The following GPATCH2 variants were observed in gnomAD, a reference collection of about 807,000 sequenced individuals.
GPATCH2 encodes G patch domain-containing protein 2.
A neutral mutation model predicts 58.0 loss-of-function variants in GPATCH2; 51 were observed. The ratio of observed to expected loss-of-function variants is 0.88; its 90% CI spans 0.70 to 1.11. The LOEUF is 1.11. GPATCH2 is among the 50% of genes most tolerant of loss of function. The pLI, the probability that GPATCH2 is intolerant of heterozygous loss-of-function variation, is 0.00. For synonymous variants in GPATCH2, 222 were observed against 218.5 expected (o/e 1.02, Z -0.14); for missense variants, 625 against 652.2 (o/e 0.96, Z 0.45).
chr1:217,498,367 C>G lies in GPATCH2; in HGVS notation c.1195G>C (p.Glu399Gln). Residue 399 changes from glutamate (E) to glutamine (Q), a missense_variant, in exon 7 of 10, where the codon GAG becomes CAG. Coordinates refer to ENST00000366935, the MANE Select transcript of GPATCH2 (RefSeq NM_018040.5). ...DHWFSPGART[E>Q]HDQHQLLRDN... The stretch of plus-strand genomic sequence containing the variant: ...ACAATGGTCCTTACCTGGTCATGCT[C>G]TGTCCTAGCCCCAGGGCTAAACCAA... The G allele has an allele frequency of 1.2e-6, 2 of 1,613,092 alleles. No individual in the cohort carries two copies. The highest frequency in any genetic ancestry group is 4.5e-5 in the East Asian group (2 of 44,880).
At chr1:217,617,425 T>G (rs1668939461) in intron 2 of GPATCH2, among the ~76,000 whole-genome samples, 1 of 152,182 alleles carries the variant, frequency 6.6e-6, no homozygotes, top group Non-Finnish European at 1.5e-5. Flanking sequence ...TTTGCTTGCC[T>G]GGCTATCCCA....
At chr1:217,532,693 G>C (rs996324533) in intron 5 of GPATCH2, among the ~76,000 whole-genome samples, 1 of 151,974 alleles carries the variant, frequency 6.6e-6, no homozygotes, top group African/African-American at 2.4e-5. Context: ...GCAAAGGGCA[G>C]GAGGAATGAA....
At chr1:217,492,320 A>C (rs1300426319) in intron 7 of GPATCH2, among the ~76,000 whole-genome samples, 2 of 152,176 alleles carry the variant, frequency 1.3e-5, no homozygotes, top group East Asian at 3.8e-4. Context: ...ATTAGAAAAA[A>C]ACATATTTGA....
At chr1:217,581,680 CG>C (rs1323594232) in intron 5 of GPATCH2, among the ~76,000 whole-genome samples, 1 of 152,192 alleles carries the variant, frequency 6.6e-6, no homozygotes, top group African/African-American at 2.4e-5. Context: ...AGGCCAGGTG[CG>C]GTGGCTCTTG....
intron 8 of GPATCH2, among the ~76,000 whole-genome samples, chr1:217,459,457 G>A (rs931092980): frequency 1.3e-5 from 2 of 152,106 alleles, no homozygotes; most frequent in Admixed American, 1.3e-4. Flanking sequence ...TCACACCACA[G>A]TACCTAGGAA....
rs143657322 is a variant in GPATCH2 at position 217,593,642 on chromosome 1, C to T, written c.1098+16679G>A. On this transcript the variant is annotated intron_variant, in intron 5 of 9. Transcript: ENST00000366935. ...TTAAAGTAGCATTTAACCACCCATGCGGTAAATAATGCGGGATTAGAAATA... is the reference window on the plus strand; with the variant it reads ...TTAAAGTAGCATTTAACCACCCATGTGGTAAATAATGCGGGATTAGAAATA... Among the ~76,000 whole-genome samples, 522 of 152,124 alleles carry T rather than the reference C, an allele frequency of 3.4e-3. 3 individuals carry two copies. Among genetic ancestry groups the T allele is most frequent in the African/African-American group, 0.011 (459 of 41,534 alleles).
chr1:217,603,715 T>C (rs1668218407), intron 5 of GPATCH2, among the ~76,000 whole-genome samples: 1 of 152,100 alleles, frequency 6.6e-6, no homozygotes, highest in Non-Finnish European at 1.5e-5. Flanking sequence ...CTCCACTTCC[T>C]GAGTTTAAGT....
intron 5 of GPATCH2, among the ~76,000 whole-genome samples, chr1:217,528,998 A>G (rs892455410): frequency 2.0e-5 from 3 of 152,212 alleles, no homozygotes; most frequent in Non-Finnish European, 4.4e-5. Context: ...TGTTCAGTCC[A>G]GACCAGCTAG....
At chr1:217,452,250 G>A (rs1438481814) in intron 8 of GPATCH2, among the ~76,000 whole-genome samples, 1 of 152,148 alleles carries the variant, frequency 6.6e-6, no homozygotes, top group Non-Finnish European at 1.5e-5. Flanking sequence ...ACTAAAGAAT[G>A]ATGCAAGTTA....
intron 5 of GPATCH2, among the ~76,000 whole-genome samples, chr1:217,603,353 A>T (rs941893254): frequency 6.6e-6 from 1 of 152,194 alleles, no homozygotes; most frequent in African/African-American, 2.4e-5. Context: ...AAGGGTTTTC[A>T]AGACTAAATA....
chr1:217,534,327 G>T (rs2102629601), intron 5 of GPATCH2, among the ~76,000 whole-genome samples: 1 of 152,188 alleles, frequency 6.6e-6, no homozygotes, highest in African/African-American at 2.4e-5. Context: ...TGAAGATTTA[G>T]GAACAGCCAT....
intron 7 of GPATCH2, among the ~76,000 whole-genome samples, chr1:217,495,264 T>C (rs187696036): frequency 6.6e-6 from 1 of 152,176 alleles, no homozygotes; most frequent in East Asian, 1.9e-4. Context: ...TTTTTCAAGA[T>C]TATTAAAAGT....
intron 5 of GPATCH2, among the ~76,000 whole-genome samples, chr1:217,527,790 T>C (rs530342807): frequency 8.5e-5 from 13 of 152,204 alleles, no homozygotes; most frequent in African/African-American, 2.7e-4. Flanking sequence ...AGAGAGGAGA[T>C]AGTGAACAAC....
At chr1:217,583,660 T>C (rs1164955975) in intron 5 of GPATCH2, among the ~76,000 whole-genome samples, 1 of 150,484 alleles carries the variant, frequency 6.6e-6, no homozygotes, top group Non-Finnish European at 1.5e-5. Context: ...TAAGAACTGA[T>C]TAAAGATAGG....
chr1:217,471,733 C>T (rs1660730451), intron 8 of GPATCH2, among the ~76,000 whole-genome samples: 1 of 151,750 alleles, frequency 6.6e-6, no homozygotes, highest in Admixed American at 6.6e-5. Flanking sequence ...TTTTAGAAGA[C>T]TCCTTGTAGT....
chr1:217,461,027 G>C (rs1375845467), intron 8 of GPATCH2, among the ~76,000 whole-genome samples: 1 of 152,170 alleles, frequency 6.6e-6, no homozygotes, highest in Non-Finnish European at 1.5e-5. Context: ...ATATGGTAAT[G>C]ATAATGTAAC....
intron 5 of GPATCH2, among the ~76,000 whole-genome samples, chr1:217,517,101 T>C (rs780911843): frequency 6.6e-6 from 1 of 152,176 alleles, no homozygotes; most frequent in Non-Finnish European, 1.5e-5. Context: ...ATCATATATA[T>C]GTATAAAAAA....
At chr1:217,527,173 T>G (rs1663950386) in intron 5 of GPATCH2, among the ~76,000 whole-genome samples, 1 of 151,638 alleles carries the variant, frequency 6.6e-6, no homozygotes, top group Non-Finnish European at 1.5e-5. Flanking sequence ...AGAAATACAG[T>G]GCATGATAAA....
intron 9 of GPATCH2, among the ~76,000 whole-genome samples, chr1:217,440,234 T>A (rs1162899361): frequency 2.0e-5 from 3 of 152,040 alleles, no homozygotes; most frequent in Non-Finnish European, 2.9e-5. Context: ...ACGTAATACA[T>A]CACATAAACA....
Sources: gnomAD v4.1 joint callset for allele counts (sites outside exome capture counted in the v4.1 genomes callset) on GRCh38, gnomAD v4.1.1 for gene constraint, MANE v1.5 for transcripts, NCBI Gene and HGNC (gene_info 2026-07-23, HGNC 2026-07-21) for gene names.